The following DMXL1 variants were observed in gnomAD, a reference collection of about 807,000 sequenced individuals.
The protein encoded by DMXL1 is Dmx like 1.
Under a neutral mutation model 319.2 loss-of-function variants are expected in DMXL1, and 99 were observed. The ratio of observed to expected loss-of-function variants is 0.31; its 90% CI spans 0.26 to 0.37. The LOEUF (loss-of-function observed/expected upper bound fraction) is 0.37. Ranked by LOEUF, DMXL1 falls within the 10% of genes least tolerant of loss-of-function variation. The pLI, the probability that DMXL1 is intolerant of heterozygous loss-of-function variation, is 1.00. For missense variants in DMXL1, 3,745 were observed against 3,595.6 expected (o/e 1.04, Z -1.06); for synonymous variants, 1,385 against 1,235.2 (o/e 1.12, Z -2.54).
chr5:119,126,056 C>T (rs928604371), intron 9 of DMXL1, among the ~76,000 whole-genome samples: 31 of 151,914 alleles, frequency 2.0e-4, no homozygotes, highest in Non-Finnish European at 4.4e-5. Flanking sequence ...TTTGGGAGGC[C>T]GAGGCGGTGG....
In DMXL1 at chr5:119,197,621, T is replaced by C. The variant is rs534189928; in HGVS notation, c.7544-134T>C. On this transcript the variant is annotated intron_variant, in intron 31 of 43. Coordinates refer to ENST00000539542, the MANE Select transcript of DMXL1 (RefSeq NM_001290321.3). ...ACCTTGCACATCTTCCCTGCCAAAG[T>C]GTATGTTAATATTTCATCTCAGTCT... 861 of 795,502 alleles carry C rather than the reference T, an allele frequency of 1.1e-3. 2 individuals carry two copies. Among genetic ancestry groups the C allele is most frequent in the Non-Finnish European group, 1.3e-3 (677 of 501,904 alleles). The allele number at this position is 795,502 out of a possible 1,614,324, so 49.3% of individuals were successfully genotyped here.
At chr5:119,105,046 TGACTGAAC>T in intron 3 of DMXL1, 126 bp from the exon 4 acceptor site, 1 of 604,684 alleles carries the variant, frequency 1.7e-6, no homozygotes, top group African/African-American at 1.9e-5. Context: ...CTATTTTTGT[TGACTGAAC>T]TGAACATTTT....
intron 34 of DMXL1, among the ~76,000 whole-genome samples, chr5:119,212,024 G>T (rs1782888850): frequency 1.3e-5 from 2 of 152,266 alleles, no homozygotes; most frequent in South Asian, 4.1e-4. Context: ...GTTCAGATCA[G>T]TTTCTGCATA....
chr5:119,149,180 C>T lies in DMXL1; in HGVS notation c.3353C>T (p.Ala1118Val). 1 of 1,613,498 alleles carries T rather than the reference C, an allele frequency of 6.2e-7. No individual in the cohort carries two copies. The highest frequency in any genetic ancestry group is 8.5e-7 in the Non-Finnish European group (1 of 1,179,728). ...ATTAGTGTTGATAGCAATTTAGTGGCCTATAATAAACAAGACATGTATTTA... is the reference window on the plus strand; with the variant it reads ...ATTAGTGTTGATAGCAATTTAGTGGTCTATAATAAACAAGACATGTATTTA... ...SGISVDSNLV[A>V]YNKQDMYLSS... The change falls in exon 18 of 44, where the codon GCC (alanine) becomes GTC (valine). Residue 1118 changes from alanine (A) to valine (V), a missense_variant. Around this residue, in one of 4 missense-constraint regions of DMXL1, gnomAD observed 2,096 missense variants for 1,985.4 expected, o/e 1.06. Transcript: ENST00000539542.
chr5:119,178,331 T>C lies in DMXL1; in HGVS notation c.7135+87T>C, dbSNP rs1301775621. On this transcript the variant is annotated intron_variant, in intron 28 of 43. Coordinates refer to ENST00000539542, the MANE Select transcript of DMXL1 (RefSeq NM_001290321.3). The stretch of plus-strand genomic sequence containing the variant: ...ACGTAATTACATTTTAATTTAGTTA[T>C]AGAAAGTTCTGGTTAGAGACCATTT... 3.5e-6 allele frequency: 5 copies of C among 1,430,080 alleles called. No individual in the cohort carries two copies. The East Asian group carries it at 6.9e-5, about 20-fold the overall frequency. 88.6% of individuals were successfully genotyped at this position (1,430,080 alleles called of 1,614,324 possible).
intron 34 of DMXL1, among the ~76,000 whole-genome samples, chr5:119,210,920 C>G (rs886843240): frequency 1.3e-5 from 2 of 150,684 alleles, no homozygotes; most frequent in Non-Finnish European, 3.0e-5. Flanking sequence ...TTGTAGATGC[C>G]CTTTATAAGT....
chr5:119,203,260 T>TATC, intron 32 of DMXL1, 59 bp from the exon 33 acceptor site: 1 of 1,112,738 alleles, frequency 9.0e-7, no homozygotes. Context: ...AAGGAATTGT[T>TATC]ATCAAGTTAG....
intron 28 of DMXL1, among the ~76,000 whole-genome samples, chr5:119,187,544 T>A (rs1039091015): frequency 6.6e-6 from 1 of 152,196 alleles, no homozygotes; most frequent in Non-Finnish European, 1.5e-5. Flanking sequence ...GGTCATTTCT[T>A]GTTTACTGGG....
Position 119,114,509 on chromosome 5 carries a change from C to G in DMXL1, c.532C>G (p.Pro178Ala), listed in dbSNP as rs1288401574. 15 of 1,609,760 alleles carry G rather than the reference C, an allele frequency of 9.3e-6. No individual in the cohort carries two copies. The highest frequency in any genetic ancestry group is 1.3e-5 in the African/African-American group (1 of 74,722). ...ASQVHLMKFS[P>A]DGEFFATAGK... ...CCAAGTTCATTTAATGAAATTTTCA[C>G]CAGATGGAGAATTTTTTGCCACTGC... The change falls in exon 6 of 44, where the codon CCA becomes GCA. Residue 178 changes from proline to alanine, a missense_variant. By Grantham distance (27) the Pro-to-Ala change is conservative. Transcript: ENST00000539542.
chr5:119,123,057 C>T (rs1264802012), intron 9 of DMXL1, among the ~76,000 whole-genome samples: 3 of 152,122 alleles, frequency 2.0e-5, no homozygotes, highest in East Asian at 3.9e-4. Context: ...GTCCCGGCAC[C>T]TGGGAGGCCG....
rs75996008 is a variant in DMXL1, at chr5:119,147,341, C to A, written c.2782C>A (p.Gln928Lys). The change falls in exon 17 of 44, where the codon CAA (glutamine) becomes AAA (lysine). Residue 928 changes from glutamine to lysine, a missense_variant. Coordinates refer to ENST00000539542, the MANE Select transcript of DMXL1 (RefSeq NM_001290321.3). ...AGAGAAGATCCTATCTCCTTTTTCA[C>A]AAAAGTATCAGGCTTGCAGAGCAAA... ...SPEKILSPFS[Q>K]KYQACRANLQ... 2 of 1,613,342 alleles carry A rather than the reference C, an allele frequency of 1.2e-6. No homozygotes were observed. Among genetic ancestry groups the A allele is most frequent in the African/African-American group, 1.3e-5 (1 of 74,864 alleles).
At chr5:119,240,389 C>T in intron 41 of DMXL1, 30 bp from the exon 42 acceptor site, 1 of 1,533,872 alleles carries the variant, frequency 6.5e-7, no homozygotes, top group Non-Finnish European at 8.9e-7. Flanking sequence ...TTTTGTGTCA[C>T]TCAGAAGTAA....
chr5:119,118,271 T>C (rs1761278743), intron 7 of DMXL1, among the ~76,000 whole-genome samples: 1 of 152,202 alleles, frequency 6.6e-6, no homozygotes, highest in Admixed American at 6.5e-5. Flanking sequence ...GTAGTTACTG[T>C]AGCTTTTTGT....
At chr5:119,178,425 C>CT in intron 28 of DMXL1, 181 bp downstream of exon 28, 1 of 373,644 alleles carries the variant, frequency 2.7e-6, no homozygotes, top group African/African-American at 2.2e-5. Flanking sequence ...AGTTTTTAAT[C>CT]TTTAAGATAT....
chr5:119,234,654 A>G (rs1391576780), intron 39 of DMXL1, among the ~76,000 whole-genome samples: 1 of 152,112 alleles, frequency 6.6e-6, no homozygotes, highest in Non-Finnish European at 1.5e-5. Context: ...GTATAATTCT[A>G]TTGTACTTTT....
chr5:119,071,202 G>A lies in DMXL1; in HGVS notation c.-368G>A, dbSNP rs1019372426. Reference sequence around the variant, plus strand: ...TGCTTGCGCCACTCGGGCTGGGTCAGGAGCGGCTGCCCGAGGTCCAGAGGA... The same window carrying A: ...TGCTTGCGCCACTCGGGCTGGGTCAAGAGCGGCTGCCCGAGGTCCAGAGGA... On this transcript the variant is annotated 5_prime_UTR_variant, in exon 1 of 44. Transcript: ENST00000539542. 1.0e-4 allele frequency: 27 copies of A among 269,738 alleles called. No individual in the cohort carries two copies. In the Middle Eastern group the frequency reaches 4.1e-3, roughly 41 times the overall value. 16.7% of individuals were successfully genotyped at this position (269,738 alleles called of 1,614,324 possible).
chr5:119,151,129 T>G (rs950516709), intron 18 of DMXL1, among the ~76,000 whole-genome samples: 1 of 152,142 alleles, frequency 6.6e-6, no homozygotes, highest in East Asian at 1.9e-4. Flanking sequence ...CAATTATAAT[T>G]TGGTTTTTAA....
intron 42 of DMXL1, among the ~76,000 whole-genome samples, chr5:119,241,629 A>G (rs1788833020): frequency 6.6e-6 from 1 of 152,098 alleles, no homozygotes; most frequent in Admixed American, 6.5e-5. Flanking sequence ...AAGCAATTCA[A>G]CTTTTTTCTT....
chr5:119,210,763 T>TG (rs1782658097), intron 34 of DMXL1, among the ~76,000 whole-genome samples: 2 of 147,014 alleles, frequency 1.4e-5, no homozygotes, highest in Non-Finnish European at 3.0e-5. Flanking sequence ...TTTCGTTTTT[T>TG]TTTTTTTTTT....
Sources: allele counts gnomAD v4.1 joint callset (sites outside exome capture counted in the v4.1 genomes callset), GRCh38; gene constraint gnomAD v4.1.1; regional missense constraint gnomAD v4.1.1; transcripts MANE v1.5; gene names NCBI Gene and HGNC (gene_info 2026-07-23, HGNC 2026-07-21).